The following CREB5 variants were observed in gnomAD, a reference collection of about 807,000 sequenced individuals.
CREB5 encodes the protein cyclic AMP-responsive element-binding protein 5.
Under a neutral mutation model 57.1 loss-of-function variants are expected in CREB5, and 19 were observed. That is an observed-to-expected ratio of 0.33 (90% CI 0.23 to 0.49). The LOEUF (loss-of-function observed/expected upper bound fraction) is 0.49. CREB5 is among the 20% of genes least tolerant of loss of function. The pLI, the probability that CREB5 is intolerant of heterozygous loss-of-function variation, is 0.99. For missense variants in CREB5, 579 were observed against 671.6 expected (o/e 0.86, Z 1.52); for synonymous variants, 238 against 238.3 (o/e 1.00, Z 0.01).
intron 7 of CREB5, among the ~76,000 whole-genome samples, chr7:28,733,678 T>G (rs1234982725): frequency 6.6e-6 from 1 of 152,206 alleles, no homozygotes; most frequent in African/African-American, 2.4e-5. Context: ...TCATTGTCCA[T>G]GGACCTGCCT....
intron 4 of CREB5, among the ~76,000 whole-genome samples, chr7:28,569,884 G>C (rs1421148974): frequency 6.6e-6 from 1 of 151,590 alleles, no homozygotes; most frequent in Non-Finnish European, 1.5e-5. Context: ...TTATGATTTG[G>C]AAAGGTAGTC....
intron 1 of CREB5, among the ~76,000 whole-genome samples, chr7:28,304,098 A>G (rs1785145909): frequency 6.6e-6 from 1 of 152,222 alleles, no homozygotes; most frequent in Admixed American, 6.5e-5. Context: ...AAGAATAAAC[A>G]TAAGGCTTCA....
At chr7:28,771,729 A>G (rs914591630) in intron 7 of CREB5, among the ~76,000 whole-genome samples, 1 of 117,148 alleles carries the variant, frequency 8.5e-6, no homozygotes, top group African/African-American at 3.3e-5. Flanking sequence ...GCACTTCATA[A>G]TGTTTAAAGC....
intron 5 of CREB5, among the ~76,000 whole-genome samples, chr7:28,693,042 TG>T (rs1230711942): frequency 6.6e-6 from 1 of 152,164 alleles, no homozygotes; most frequent in East Asian, 1.9e-4. Context: ...TTATGGAGAG[TG>T]GGACAGTAGT....
intron 5 of CREB5, among the ~76,000 whole-genome samples, chr7:28,584,207 G>A (rs965177390): frequency 1.3e-5 from 2 of 152,128 alleles, no homozygotes; most frequent in Non-Finnish European, 2.9e-5. Flanking sequence ...CAGGCTCAGA[G>A]TGTCCTCATC....
intron 7 of CREB5, among the ~76,000 whole-genome samples, chr7:28,728,265 C>T (rs1488463306): frequency 6.6e-6 from 1 of 152,144 alleles, no homozygotes; most frequent in Admixed American, 6.5e-5. Flanking sequence ...ACAGCTGAGG[C>T]AACTGAGGCT....
chr7:28,578,341 G>C (rs992824591), intron 5 of CREB5, among the ~76,000 whole-genome samples: 1 of 152,234 alleles, frequency 6.6e-6, no homozygotes, highest in African/African-American at 2.4e-5. Flanking sequence ...ATGGCTTGTG[G>C]TGTTTAGAGA....
At chr7:28,306,080 G>T (rs1274991441) in intron 1 of CREB5, among the ~76,000 whole-genome samples, 3 of 152,172 alleles carry the variant, frequency 2.0e-5, no homozygotes, top group African/African-American at 7.2e-5. Flanking sequence ...TTCCTGGATG[G>T]TATCTTTGTG....
At chr7:28,635,641 C>T (rs2128696339) in intron 5 of CREB5, among the ~76,000 whole-genome samples, 1 of 152,286 alleles carries the variant, frequency 6.6e-6, no homozygotes, top group East Asian at 1.9e-4. Flanking sequence ...CTTCATATTT[C>T]TTGTGTACTT....
intron 5 of CREB5, among the ~76,000 whole-genome samples, chr7:28,608,885 A>C (rs1048979283): frequency 6.6e-6 from 1 of 152,196 alleles, no homozygotes; most frequent in African/African-American, 2.4e-5. Flanking sequence ...ATTTCTTCTT[A>C]AATTATCTTA....
intron 4 of CREB5, among the ~76,000 whole-genome samples, chr7:28,560,903 CGCGTGCGTGTGCGTGTGT>C (rs1795165311): frequency 3.8e-5 from 1 of 26,132 alleles, no homozygotes. Context: ...TGTGCGTGCG[CGCGTGCGTGTGCGTGTGT>C]GCGCGTGCGT....
At chr7:28,641,286 C>A (rs1798649573) in intron 5 of CREB5, among the ~76,000 whole-genome samples, 1 of 152,112 alleles carries the variant, frequency 6.6e-6, no homozygotes, top group Non-Finnish European at 1.5e-5. Flanking sequence ...AGGACCACCC[C>A]CCCATCGGGT....
At chr7:28,517,742 G>T (rs953770011) in intron 4 of CREB5, among the ~76,000 whole-genome samples, 1 of 152,006 alleles carries the variant, frequency 6.6e-6, no homozygotes, top group African/African-American at 2.4e-5. Context: ...CTTGACTGTT[G>T]TTAGGTTTCC....
chr7:28,802,078 GAAAAAAAA>G (rs35658848), intron 7 of CREB5, among the ~76,000 whole-genome samples: 14 of 26,650 alleles, frequency 5.3e-4, no homozygotes, highest in South Asian at 3.0e-3. Flanking sequence ...GACTCCATCT[GAAAAAAAA>G]AAAAAAAAAA....
intron 1 of CREB5, among the ~76,000 whole-genome samples, chr7:28,341,734 A>G (rs949859473): frequency 2.0e-5 from 3 of 152,252 alleles, no homozygotes; most frequent in Admixed American, 6.5e-5. Flanking sequence ...AATTGTATGT[A>G]GTGGAGCCAC....
rs945059709 is a variant in CREB5, at chr7:28,622,267, A to T, written c.464+51730A>T. ...TTCTCTCTCTCTCTCTCTCACACAC[A>T]CACACACACACACACACACACACAC... is the stretch of plus-strand genomic sequence containing the variant. On this transcript the variant is annotated intron_variant, in intron 5 of 10. Coordinates refer to ENST00000357727, the MANE Select transcript of CREB5 (RefSeq NM_182898.4). Among the ~76,000 whole-genome samples the T allele has an allele frequency of 1.0e-3, 145 of 140,998 alleles. 1 individual carries two copies. The highest frequency in any genetic ancestry group is 6.5e-3 in the East Asian group (33 of 5,110). 92.5% of individuals were successfully genotyped at this position (140,998 alleles called of 152,430 possible).
intron 1 of CREB5, among the ~76,000 whole-genome samples, chr7:28,377,763 A>G (rs1331269167): frequency 6.6e-6 from 1 of 151,726 alleles, no homozygotes; most frequent in African/African-American, 2.4e-5. Flanking sequence ...CCCCGTCTCT[A>G]CTAAAAATAC....
At position 28,488,253 on chromosome 7, in the gene CREB5, G is replaced by A; in HGVS notation, c.75+7G>A. 6.2e-7 allele frequency: 1 copy of A among 1,613,406 alleles called. No homozygotes were observed. Among genetic ancestry groups the A allele is most frequent in the Admixed American group, 1.7e-5 (1 of 59,962 alleles). On this transcript the variant is annotated splice_region_variant and intron_variant, in intron 2 of 10. Coordinates refer to ENST00000357727, the MANE Select transcript of CREB5 (RefSeq NM_182898.4). ...TGCCCCAGGCTGCTCCCAGGTGAGT[G>A]TGCGGATCCTCCCTGCTCTGACATG...
At chr7:28,443,513 T>C (rs1338443629) in intron 1 of CREB5, among the ~76,000 whole-genome samples, 1 of 152,218 alleles carries the variant, frequency 6.6e-6, no homozygotes, top group African/African-American at 2.4e-5. Context: ...TGCTAGGACA[T>C]ACATAGTCCA....
Sources: gnomAD v4.1 joint callset for allele counts (sites outside exome capture counted in the v4.1 genomes callset) on GRCh38, gnomAD v4.1.1 for gene constraint, MANE v1.5 for transcripts, NCBI Gene and HGNC (gene_info 2026-07-23, HGNC 2026-07-21) for gene names.